Variants in ADGRL3 observed in about 807,000 individuals in gnomAD.
The protein encoded by ADGRL3 is calcium-independent alpha-latrotoxin receptor 3.
Under a neutral mutation model 153.5 loss-of-function variants are expected in ADGRL3, and 62 were observed. The observed-to-expected ratio is 0.40, with a 90% CI of 0.33 to 0.50. ADGRL3 has a LOEUF of 0.50. ADGRL3 is among the 20% of genes least tolerant of loss of function. The pLI is 0.47. For synonymous variants in ADGRL3, 710 were observed against 672.5 expected, an observed-to-expected ratio of 1.06 and a Z score of -0.86; for missense variants, 1,641 against 1,859.4, an observed-to-expected ratio of 0.88 and a Z score of 2.16.
chr4:61,451,574 G>A (rs556316477), intron 2 of ADGRL3, among the ~76,000 whole-genome samples: 1 of 152,078 alleles, frequency 6.6e-6, no homozygotes, highest in Non-Finnish European at 1.5e-5. Context: ...GCAAAGAGAT[G>A]AGCAGTATTT....
intron 8 of ADGRL3, among the ~76,000 whole-genome samples, chr4:61,774,032 AC>A (rs567978107): frequency 1.6e-4 from 25 of 152,148 alleles, no homozygotes; most frequent in Non-Finnish European, 3.2e-4. Context: ...AGGTCTGCAA[AC>A]AGGTGAGTAA....
chr4:61,597,658 T>A (rs2098994563), intron 5 of ADGRL3, among the ~76,000 whole-genome samples: 1 of 151,486 alleles, frequency 6.6e-6, no homozygotes, highest in South Asian at 2.1e-4. Context: ...TGGTCGTTTT[T>A]TGTTTTTTTT....
intron 21 of ADGRL3, among the ~76,000 whole-genome samples, chr4:62,002,315 C>T (rs2099143257): frequency 6.7e-6 from 1 of 149,590 alleles, no homozygotes; most frequent in African/African-American, 2.5e-5. Flanking sequence ...TCTGGCCCTT[C>T]TAGATATGCT....
intron 2 of ADGRL3, among the ~76,000 whole-genome samples, chr4:61,422,143 C>T (rs1168465870): frequency 6.6e-6 from 1 of 152,150 alleles, no homozygotes; most frequent in Admixed American, 6.5e-5. Flanking sequence ...TGTCTTTCTA[C>T]GTCTGAGTGA....
rs149666681 is a variant in ADGRL3 at position 61,424,207 on chromosome 4, C to G, written c.-174+41018C>G. Among the ~76,000 whole-genome samples, 185 of 152,214 alleles carry G rather than the reference C, an allele frequency of 1.2e-3. 1 individual carries two copies. The highest frequency in any genetic ancestry group is 2.1e-3 in the Admixed American group (32 of 15,284). ...GGCTCAGAGTCAGGTGATGAGCCGA[C>G]TCATAACATGGTAGCATAACTGTGA... On this transcript the variant is annotated intron_variant, in intron 2 of 26. Transcript: ENST00000683033.
At chr4:61,340,602 A>G (rs1025041737) in intron 1 of ADGRL3, among the ~76,000 whole-genome samples, 5 of 152,116 alleles carry the variant, frequency 3.3e-5, no homozygotes, top group Admixed American at 6.5e-5. Context: ...AAAACTAAAT[A>G]TAATTTATAT....
At chr4:61,259,423 A>AAAATAAATAAAT (rs58289743) in intron 1 of ADGRL3, among the ~76,000 whole-genome samples, 2 of 142,812 alleles carry the variant, frequency 1.4e-5, no homozygotes, top group Non-Finnish European at 3.0e-5. Flanking sequence ...ACTCTGTCTC[A>AAAATAAATAAAT]AAATAAATAA....
At chr4:61,429,912 T>C (rs1011630172) in intron 2 of ADGRL3, among the ~76,000 whole-genome samples, 1 of 152,096 alleles carries the variant, frequency 6.6e-6, no homozygotes, top group African/African-American at 2.4e-5. Flanking sequence ...TATGGGGTAG[T>C]TTTTAATTAG....
intron 1 of ADGRL3, among the ~76,000 whole-genome samples, chr4:61,234,511 T>C (rs1752057753): frequency 6.6e-6 from 1 of 152,008 alleles, no homozygotes; most frequent in African/African-American, 2.4e-5. Flanking sequence ...AAGTATATGG[T>C]TTAAATTTCT....
At chr4:61,398,721 GTC>G (rs1232344409) in intron 2 of ADGRL3, among the ~76,000 whole-genome samples, 1 of 150,878 alleles carries the variant, frequency 6.6e-6, no homozygotes, top group Non-Finnish European at 1.5e-5. Flanking sequence ...CTCTCTCTCT[GTC>G]TCTCAATATA....
At chr4:61,325,173 G>A (rs959738123) in intron 1 of ADGRL3, among the ~76,000 whole-genome samples, 4 of 152,076 alleles carry the variant, frequency 2.6e-5, no homozygotes, top group South Asian at 2.1e-4. Flanking sequence ...TTAGCTGGGC[G>A]TGGTGGCATG....
intron 1 of ADGRL3, among the ~76,000 whole-genome samples, chr4:61,309,441 T>C (rs1186678597): frequency 6.6e-6 from 1 of 152,196 alleles, no homozygotes; most frequent in Non-Finnish European, 1.5e-5. Flanking sequence ...GTGTGAAAAC[T>C]ACCAAGACAA....
intron 15 of ADGRL3, among the ~76,000 whole-genome samples, chr4:61,938,506 G>A (rs2098849074): frequency 6.6e-6 from 1 of 152,080 alleles, no homozygotes; most frequent in Non-Finnish European, 1.5e-5. Context: ...TGAAAAGGCT[G>A]GAGAATCAGT....
At chr4:61,351,607 A>G (rs1486812661) in intron 1 of ADGRL3, among the ~76,000 whole-genome samples, 3 of 152,164 alleles carry the variant, frequency 2.0e-5, no homozygotes, top group African/African-American at 7.2e-5. Flanking sequence ...CTCACTTATC[A>G]TTCCCAAGAT....
At chr4:61,393,732 A>G (rs1249330338) in intron 2 of ADGRL3, among the ~76,000 whole-genome samples, 3 of 152,174 alleles carry the variant, frequency 2.0e-5, no homozygotes, top group African/African-American at 7.2e-5. Context: ...CCATCTTTCA[A>G]ATGCTAATTT....
At chr4:61,428,902 T>TATCTATATC (rs760744601) in intron 2 of ADGRL3, among the ~76,000 whole-genome samples, 4 of 126,038 alleles carry the variant, frequency 3.2e-5, no homozygotes, top group Non-Finnish European at 5.2e-5. Flanking sequence ...ATCATCTATC[T>TATCTATATC]ATCTATCTAT....
At chr4:61,532,687 G>C (rs1338109816) in intron 4 of ADGRL3, among the ~76,000 whole-genome samples, 3 of 151,548 alleles carry the variant, frequency 2.0e-5, no homozygotes, top group Non-Finnish European at 4.4e-5. Flanking sequence ...GCAGCCAAGG[G>C]ATTCAGTGGC....
intron 4 of ADGRL3, among the ~76,000 whole-genome samples, chr4:61,573,204 C>T (rs1391321): frequency 0.66 from 99,590 of 151,804 alleles, 34,807 homozygotes; most frequent in East Asian, 0.95. Flanking sequence ...ATGTGTATGT[C>T]GCTTATATTG....
chr4:62,062,791 T>C (rs1421382113), intron 25 of ADGRL3, among the ~76,000 whole-genome samples: 1 of 152,126 alleles, frequency 6.6e-6, no homozygotes, highest in East Asian at 1.9e-4. Context: ...GAATTATATA[T>C]GTGTATATTG....
Sources: allele counts gnomAD v4.1 joint callset (sites outside exome capture counted in the v4.1 genomes callset), GRCh38; gene constraint gnomAD v4.1.1; transcripts MANE v1.5; gene names NCBI Gene and HGNC (gene_info 2026-07-23, HGNC 2026-07-21).